The following UBR1 variants were observed in gnomAD, a reference collection of about 807,000 sequenced individuals.
UBR1 encodes the protein ubiquitin protein ligase E3 component n-recognin 1.
A neutral mutation model predicts 242.1 loss-of-function variants in UBR1; 102 were observed. The observed-to-expected ratio is 0.42, with a 90% CI of 0.36 to 0.50. The LOEUF (loss-of-function observed/expected upper bound fraction) is 0.50, where lower values mean the gene tolerates loss of function less well. Ranked by LOEUF, UBR1 falls within the 20% of genes least tolerant of loss-of-function variation. UBR1 has a pLI of 0.01. For missense variants in UBR1, 1,772 were observed against 2,101.8 expected, an observed-to-expected ratio of 0.84 and a Z score of 3.07; for synonymous variants, 675 against 684.8, an observed-to-expected ratio of 0.99 and a Z score of 0.22.
At position 43,054,802 on chromosome 15, in the gene UBR1, T is replaced by C. The variant is rs779007025; in HGVS notation, c.1379A>G (p.Asn460Ser). ...PEYLDRNNKF[N>S]FQGYSQDKLG... ...TTTGTCCTGGCTATAACCCTGGAAG[T>C]TGAATTTATTGTTCCTGTCCAAGTA... Residue 460 changes from asparagine (N) to serine (S), a missense_variant, in exon 12 of 47, where the codon AAC becomes AGC. By Grantham distance (46) the Asn-to-Ser change is conservative. This residue lies in a region of UBR1 where 734 missense variants were observed against 893.3 expected (regional missense o/e 0.82). Transcript: ENST00000290650. 17 of 1,614,058 alleles carry C rather than the reference T, an allele frequency of 1.1e-5. No individual in the cohort carries two copies. The highest frequency in any genetic ancestry group is 4.5e-5 in the East Asian group (2 of 44,874).
chr15:43,010,992 G>A (rs543822921), intron 29 of UBR1, among the ~76,000 whole-genome samples: 1 of 151,636 alleles, frequency 6.6e-6, no homozygotes, highest in Admixed American at 6.6e-5. Flanking sequence ...TCCATCTCAA[G>A]TGTGTGTGTG....
intron 14 of UBR1, 82 bp downstream of exon 14, chr15:43,047,079 G>C: frequency 6.6e-7 from 1 of 1,515,772 alleles, no homozygotes; most frequent in Non-Finnish European, 9.1e-7. Context: ...TTTACATCAA[G>C]GAAGCTGCAA....
chr15:43,029,884 G>A, intron 21 of UBR1, 60 bp downstream of exon 21: 2 of 1,603,868 alleles, frequency 1.2e-6, no homozygotes, highest in Non-Finnish European at 1.7e-6. Flanking sequence ...TCCAATTAAA[G>A]AAAAAGAAAC....
At chr15:43,081,147 G>A (rs951032534) in intron 3 of UBR1, among the ~76,000 whole-genome samples, 4 of 152,072 alleles carry the variant, frequency 2.6e-5, no homozygotes, top group South Asian at 2.1e-4. Flanking sequence ...GGCCAGGCAC[G>A]GTGGCTCACG....
rs778759667 is a variant in UBR1 at position 42,998,175 on chromosome 15, A to G, written c.3750T>C (p.His1250=). The part of the protein sequence containing the change: ...LARISGYNIR[H]AKGENPIPIF... ...AAATAAATTTAAGCAAACCTTTAGC[A>G]TGTCTTATATTATAACCTGATATTC... The change falls in exon 33 of 47, where the codon CAT becomes CAC. Residue 1250 remains histidine, a synonymous_variant. Transcript: ENST00000290650. 119 of 1,612,832 alleles carry G rather than the reference A, an allele frequency of 7.4e-5. No homozygotes were observed. Among genetic ancestry groups the G allele is most frequent in the Admixed American group, 6.3e-4 (38 of 59,984 alleles).
intron 27 of UBR1, among the ~76,000 whole-genome samples, chr15:43,020,904 C>T (rs567590759): frequency 6.6e-6 from 1 of 152,328 alleles, no homozygotes; most frequent in East Asian, 1.9e-4. Context: ...TAACCCCTTA[C>T]TCATCTATTG....
chr15:43,102,429 T>C (rs976243708), intron 1 of UBR1, among the ~76,000 whole-genome samples: 2 of 152,140 alleles, frequency 1.3e-5, no homozygotes, highest in African/African-American at 4.8e-5. Context: ...GACACAGAGA[T>C]ATAAATTTGG....
At chr15:43,029,394 C>T (rs983475924) in intron 21 of UBR1, among the ~76,000 whole-genome samples, 2 of 152,166 alleles carry the variant, frequency 1.3e-5, no homozygotes, top group African/African-American at 4.8e-5. Flanking sequence ...TCTGGTGAAA[C>T]TAAGGCCAAG....
At chr15:42,966,677 C>T (rs1429872266) in intron 40 of UBR1, among the ~76,000 whole-genome samples, 1 of 95,194 alleles carries the variant, frequency 1.1e-5, no homozygotes, top group East Asian at 3.2e-4. Flanking sequence ...GACGCTGACT[C>T]AAAAAAAAAA....
At chr15:43,023,103 G>A (rs1395727493) in intron 25 of UBR1, among the ~76,000 whole-genome samples, 2 of 152,006 alleles carry the variant, frequency 1.3e-5, no homozygotes, top group Admixed American at 6.6e-5. Flanking sequence ...AAACTCCTGC[G>A]CTCAAGTGAT....
intron 29 of UBR1, among the ~76,000 whole-genome samples, chr15:43,014,717 G>T (rs528501915): frequency 6.6e-6 from 1 of 151,288 alleles, no homozygotes; most frequent in Admixed American, 6.6e-5. Flanking sequence ...GAGCCCCTCC[G>T]CCCGGCAGCC....
At position 43,007,143 on chromosome 15, in the gene UBR1, C is replaced by G; in HGVS notation, c.3351G>C (p.Ser1117=). The G allele has an allele frequency of 6.2e-7, 1 of 1,614,042 alleles. No homozygotes were observed. Among genetic ancestry groups the G allele is most frequent in the Non-Finnish European group, 8.5e-7 (1 of 1,180,006 alleles). The change falls in exon 30 of 47, where the codon TCG becomes TCC. Residue 1117 remains serine, a synonymous_variant. Coordinates refer to ENST00000290650, the MANE Select transcript of UBR1 (RefSeq NM_174916.3). ...VKIENNAMVL[S]ACVQKSTALT... Reference sequence around the variant, plus strand: ...AGGCAGTAGATTTCTGGACACAGGCCGATAATACCATGGCATTATTTTCTA... The same window carrying G: ...AGGCAGTAGATTTCTGGACACAGGCGGATAATACCATGGCATTATTTTCTA...
intron 35 of UBR1, among the ~76,000 whole-genome samples, chr15:42,985,589 G>C (rs2141273540): frequency 6.6e-6 from 1 of 152,276 alleles, no homozygotes; most frequent in Middle Eastern, 3.4e-3. Context: ...CTGACCTTAG[G>C]TGATCCGCCC....
Position 42,997,880 on chromosome 15 carries a change from T to C in UBR1, c.3757+288A>G, listed in dbSNP as rs541228501. Among the ~76,000 whole-genome samples, 14 of 152,334 alleles carry C rather than the reference T, an allele frequency of 9.2e-5. No individual in the cohort carries two copies. In the South Asian group the frequency reaches 2.9e-3, roughly 32 times the overall value. On this transcript the variant is annotated intron_variant, in intron 33 of 46. Transcript: ENST00000290650. Reference sequence around the variant, plus strand: ...AATCAGTAAGTGGATCTTAGTGATTTAGATGAATCTTGGATCTAAGATTTA... The same window carrying C: ...AATCAGTAAGTGGATCTTAGTGATTCAGATGAATCTTGGATCTAAGATTTA...
At chr15:42,961,127 T>G (rs2032010561) in intron 42 of UBR1, among the ~76,000 whole-genome samples, 1 of 151,502 alleles carries the variant, frequency 6.6e-6, no homozygotes, top group Admixed American at 6.6e-5. Context: ...TTTTTTTTTT[T>G]TGTTTTGAGA....
chr15:43,079,227 A>T (rs905677901), intron 3 of UBR1, among the ~76,000 whole-genome samples: 1 of 152,248 alleles, frequency 6.6e-6, no homozygotes, highest in Middle Eastern at 3.4e-3. Context: ...ACACCTTGGG[A>T]GGCCGAGGCA....
chr15:42,973,946 T>C (rs1156368378), intron 39 of UBR1, among the ~76,000 whole-genome samples: 1 of 147,746 alleles, frequency 6.8e-6, no homozygotes, highest in Non-Finnish European at 1.5e-5. Flanking sequence ...TGTAGTGCAG[T>C]GGAGCAATCT....
intron 29 of UBR1, among the ~76,000 whole-genome samples, chr15:43,012,096 G>A (rs1362188753): frequency 2.0e-5 from 3 of 151,978 alleles, no homozygotes; most frequent in African/African-American, 4.8e-5. Flanking sequence ...GCGTGGTGGC[G>A]GGCGCCTGTA....
chr15:43,105,219 T>C (rs2034282923), intron 1 of UBR1, among the ~76,000 whole-genome samples: 1 of 152,008 alleles, frequency 6.6e-6, no homozygotes, highest in African/African-American at 2.4e-5. Context: ...TCCAGAACAT[T>C]CCCTAACATT....
Sources: gnomAD v4.1 joint callset for allele counts (sites outside exome capture counted in the v4.1 genomes callset) on GRCh38, gnomAD v4.1.1 for gene constraint, gnomAD v4.1.1 regional missense constraint, MANE v1.5 for transcripts, NCBI Gene and HGNC (gene_info 2026-07-23, HGNC 2026-07-21) for gene names.